The following SYT13 variants were observed in gnomAD, a reference collection of about 807,000 sequenced individuals.
The protein encoded by SYT13 is synaptotagmin 13.
SYT13 carries 21 observed loss-of-function variants against 38.6 expected under a neutral mutation model. The observed-to-expected ratio is 0.54, with a 90% CI of 0.39 to 0.78. The LOEUF (loss-of-function observed/expected upper bound fraction) is 0.78, where lower values mean the gene tolerates loss of function less well. Ranked by LOEUF, SYT13 falls within the 30% of genes least tolerant of loss-of-function variation. The pLI is 0.00. For synonymous variants in SYT13, 241 were observed against 237.6 expected (o/e 1.01, Z -0.13); for missense variants, 495 against 548.7 (o/e 0.90, Z 0.98).
In SYT13 at chr11:45,277,170, T is replaced by G. The variant is rs537124584; in HGVS notation, c.183+8855A>C. ...CAAAAGACCACATATCATATGATTTTATTTATATGCAGTGTCCAGAATAGG... is the reference window on the plus strand; with the variant it reads ...CAAAAGACCACATATCATATGATTTGATTTATATGCAGTGTCCAGAATAGG... On this transcript the variant is annotated intron_variant, in intron 1 of 5. Transcript: ENST00000020926. Among the ~76,000 whole-genome samples, 4 of 152,344 alleles carry G rather than the reference T, an allele frequency of 2.6e-5. No individual in the cohort carries two copies. The South Asian group carries it at 8.3e-4, about 32-fold the overall frequency.
rs1854684181 is a variant in SYT13, at chr11:45,252,168, A to G, written c.846+253T>C. Among the ~76,000 whole-genome samples the G allele has an allele frequency of 6.6e-6, 1 of 152,210 alleles. No homozygotes were observed. Among genetic ancestry groups the G allele is most frequent in the South Asian group, 2.1e-4 (1 of 4,826 alleles). Reference sequence around the variant, plus strand: ...TAATACACACAGCATGGCATTTTCCATGACGGCAGAGAGAGTCTTTGCATG... The same window carrying G: ...TAATACACACAGCATGGCATTTTCCGTGACGGCAGAGAGAGTCTTTGCATG... On this transcript the variant is annotated intron_variant, in intron 4 of 5. Transcript: ENST00000020926. The surrounding 1 kb of genome is among the most constrained non-coding windows in gnomAD (Gnocchi z 4.3).
At chr11:45,283,080 CAA>C (rs1486661434) in intron 1 of SYT13, among the ~76,000 whole-genome samples, 5 of 152,128 alleles carry the variant, frequency 3.3e-5, no homozygotes, top group Non-Finnish European at 7.4e-5. Context: ...CCCAGGAAGT[CAA>C]GACTTCAGTG....
chr11:45,249,983 G>A (rs796854598), intron 4 of SYT13, among the ~76,000 whole-genome samples: 69 of 152,268 alleles, frequency 4.5e-4, no homozygotes, highest in African/African-American at 1.6e-3. Context: ...GTATCTTCCA[G>A]CTAGAACTGG....
At chr11:45,246,045 G>T (rs146304394) in intron 5 of SYT13, among the ~76,000 whole-genome samples, 2 of 152,174 alleles carry the variant, frequency 1.3e-5, no homozygotes, top group African/African-American at 4.8e-5. Context: ...TTCACTCCAC[G>T]GCTATAGTCT....
intron 1 of SYT13, among the ~76,000 whole-genome samples, chr11:45,262,557 T>C (rs1215746697): frequency 6.6e-6 from 1 of 151,978 alleles, no homozygotes; most frequent in African/African-American, 2.4e-5. Context: ...GAGACCCCAT[T>C]TCTACAAAAA....
intron 1 of SYT13, among the ~76,000 whole-genome samples, chr11:45,280,816 T>A (rs1403311889): frequency 6.6e-6 from 1 of 152,246 alleles, no homozygotes; most frequent in Non-Finnish European, 1.5e-5. Context: ...CTCAGCACCA[T>A]ACCAGACATT....
intron 4 of SYT13, among the ~76,000 whole-genome samples, chr11:45,246,745 T>C (rs2135885171): frequency 6.6e-6 from 1 of 152,260 alleles, no homozygotes; most frequent in African/African-American, 2.4e-5. Flanking sequence ...AATGTGATTT[T>C]TCATATACCA....
chr11:45,248,868 A>C (rs16938195), intron 4 of SYT13, among the ~76,000 whole-genome samples: 2,269 of 152,272 alleles, frequency 0.015, 43 homozygotes, highest in African/African-American at 0.046. Context: ...ATAGCCAGAC[A>C]ATTTCAACAC....
rs142224925 is a variant in SYT13, at chr11:45,244,089, C to T, written c.1244G>A (p.Arg415His). The T allele has an allele frequency of 2.1e-4, 342 of 1,609,066 alleles. No homozygotes were observed. The highest frequency in any genetic ancestry group is 2.8e-4 in the Non-Finnish European group (326 of 1,178,838). ...SHWEEMLKNPRRQIAMWHQLH... is the reference protein window; with the variant it reads ...SHWEEMLKNPHRQIAMWHQLH... ...CTGGTGCCACATGGCAATCTGCCGG[C>T]GAGGGTTTTTGAGCATCTCCTCCCA... is the stretch of plus-strand genomic sequence containing the variant. Residue 415 changes from arginine to histidine, a missense_variant, in exon 6 of 6, where the codon CGC becomes CAC. By Grantham distance (29) the Arg-to-His change is conservative. Transcript: ENST00000020926.
At chr11:45,264,779 TA>T (rs201437452) in intron 1 of SYT13, among the ~76,000 whole-genome samples, 10 of 151,812 alleles carry the variant, frequency 6.6e-5, no homozygotes, top group Non-Finnish European at 1.5e-4. Context: ...AGGAAGATGT[TA>T]AAAAAAATGT....
chr11:45,255,528 C>T, intron 2 of SYT13, 138 bp downstream of exon 2: 1 of 751,098 alleles, frequency 1.3e-6, no homozygotes. Context: ...TTCTGAGGCC[C>T]AGTGCCCATC....
At chr11:45,274,723 C>T (rs2135908074) in intron 1 of SYT13, among the ~76,000 whole-genome samples, 1 of 152,318 alleles carries the variant, frequency 6.6e-6, no homozygotes, top group Middle Eastern at 3.4e-3. Context: ...CATCTTCAAA[C>T]ACCATCTTTT....
chr11:45,252,835 G>A lies in SYT13; in HGVS notation c.545-113C>T. 1.6e-6 allele frequency: 2 copies of A among 1,238,478 alleles called. No individual in the cohort carries two copies. The highest frequency in any genetic ancestry group is 2.2e-6 in the Non-Finnish European group (2 of 920,126). 76.7% of individuals were successfully genotyped at this position (1,238,478 alleles called of 1,614,324 possible). On this transcript the variant is annotated intron_variant, in intron 3 of 5. Transcript: ENST00000020926. This position sits in a 1 kb window ranked among gnomAD's most constrained non-coding sequence, Gnocchi z 4.3. ...CCAGCTTAACGACGTGACCTTGGGT[G>A]TCAGAAAGGCTGACCACCCTGGGCA...
At chr11:45,268,840 C>T (rs1854915683) in intron 1 of SYT13, among the ~76,000 whole-genome samples, 1 of 152,168 alleles carries the variant, frequency 6.6e-6, no homozygotes, top group African/African-American at 2.4e-5. Flanking sequence ...TAGCCATTCA[C>T]TCATTCACTC....
At position 45,255,871 on chromosome 11, in the gene SYT13, C is replaced by T. The variant is rs776357791; in HGVS notation, c.204G>A (p.Thr68=). 112 of 1,614,016 alleles carry T rather than the reference C, an allele frequency of 6.9e-5. No individual in the cohort carries two copies. Among genetic ancestry groups the T allele is most frequent in the Admixed American group, 1.5e-4 (9 of 60,006 alleles). The change falls in exon 2 of 6, where the codon ACG becomes ACA. Residue 68 remains threonine (T), a synonymous_variant. Coordinates refer to ENST00000020926, the MANE Select transcript of SYT13 (RefSeq NM_020826.3). The stretch of plus-strand genomic sequence containing the variant: ...GGAGGGCACGGGGCTGAACAGGTTC[C>T]GTGGACTTTTTAACATTGAACTGCA... ...SAQQFNVKKS[T]EPVQPRALLK...
At chr11:45,253,639 G>A (rs1185255095) in intron 3 of SYT13, among the ~76,000 whole-genome samples, 1 of 152,100 alleles carries the variant, frequency 6.6e-6, no homozygotes, top group African/African-American at 2.4e-5. Flanking sequence ...AGAAACCAAG[G>A]ACATCCTGCC....
chr11:45,276,844 G>A (rs368846450), intron 1 of SYT13, among the ~76,000 whole-genome samples: 4 of 152,196 alleles, frequency 2.6e-5, no homozygotes, highest in South Asian at 2.1e-4. Context: ...GCAGTTTAGC[G>A]ATTCCTCAAA....
chr11:45,251,290 G>A (rs1179542227), intron 4 of SYT13, among the ~76,000 whole-genome samples: 1 of 150,534 alleles, frequency 6.6e-6, no homozygotes, highest in Non-Finnish European at 1.5e-5. Flanking sequence ...TCAGGAGGCT[G>A]AGGCACGAGA....
At chr11:45,255,545 G>C in intron 2 of SYT13, 121 bp downstream of exon 2, 1 of 914,628 alleles carries the variant, frequency 1.1e-6, no homozygotes, top group East Asian at 2.7e-5. Context: ...CATCTGCTTG[G>C]CCAGCGTCAA....
Sources: gnomAD v4.1 joint callset for allele counts (sites outside exome capture counted in the v4.1 genomes callset) on GRCh38, gnomAD v4.1.1 for gene constraint, Gnocchi (gnomAD v3.1) non-coding constraint, MANE v1.5 for transcripts, NCBI Gene and HGNC (gene_info 2026-07-23, HGNC 2026-07-21) for gene names.